The following SPMIP7 variants were observed in gnomAD, a reference collection of about 807,000 sequenced individuals.
SPMIP7 encodes protein SPMIP7.
chr7:50,143,111 A>G, the SPMIP7 span, among the ~76,000 whole-genome samples: 12 of 150,718 alleles, frequency 8.0e-5, no homozygotes, highest in Non-Finnish European at 2.9e-5. Flanking sequence ...GTGGCACTTA[A>G]TCATGGCTGG....
At chr7:50,135,320 T>A in the SPMIP7 span, among the ~76,000 whole-genome samples, 1 of 152,216 alleles carries the variant, frequency 6.6e-6, no homozygotes, top group East Asian at 1.9e-4. Context: ...GCTTTTCCCA[T>A]AATGAAGTTT....
chr7:50,156,564 G>A, the SPMIP7 span, among the ~76,000 whole-genome samples: 1 of 151,396 alleles, frequency 6.6e-6, no homozygotes, highest in African/African-American at 2.4e-5. Flanking sequence ...CCTCTCAGCT[G>A]GTCTTGCCTC....
At chr7:50,120,600 C>A in the SPMIP7 span, among the ~76,000 whole-genome samples, 3 of 152,090 alleles carry the variant, frequency 2.0e-5, no homozygotes, top group African/African-American at 4.8e-5. Flanking sequence ...GTAAACACTG[C>A]CACCGAATGC....
the SPMIP7 span, among the ~76,000 whole-genome samples, chr7:50,101,610 T>C: frequency 2.6e-5 from 4 of 152,254 alleles, no homozygotes; most frequent in African/African-American, 9.6e-5. Context: ...GTGTAATTCA[T>C]CGTCCAGAGT....
the SPMIP7 span, among the ~76,000 whole-genome samples, chr7:50,109,950 A>G: frequency 1.6e-4 from 24 of 152,164 alleles, no homozygotes; most frequent in Admixed American, 1.5e-3. Flanking sequence ...ATAAAACAAT[A>G]CTTTTATAAG....
chr7:50,147,111 T>C, the SPMIP7 span, among the ~76,000 whole-genome samples: 19 of 152,372 alleles, frequency 1.2e-4, no homozygotes, highest in African/African-American at 4.6e-4. Context: ...TAAATGTGCA[T>C]TTTTTAAATT....
chr7:50,107,663 C>T, the SPMIP7 span, among the ~76,000 whole-genome samples: 118,207 of 152,004 alleles, frequency 0.78, 46,076 homozygotes, highest in East Asian at 0.88. Context: ...ATCCCAAAAG[C>T]GTAAGAGAGA....
the SPMIP7 span, among the ~76,000 whole-genome samples, chr7:50,152,872 A>T: frequency 6.6e-6 from 1 of 152,008 alleles, no homozygotes; most frequent in African/African-American, 2.4e-5. Flanking sequence ...TTTTTGGTAG[A>T]GACAGGGTTT....
the SPMIP7 span, among the ~76,000 whole-genome samples, chr7:50,118,522 T>C: frequency 6.6e-6 from 1 of 152,346 alleles, no homozygotes; most frequent in African/African-American, 2.4e-5. Flanking sequence ...TTACATGTTA[T>C]CTGGCTGGAT....
the SPMIP7 span, among the ~76,000 whole-genome samples, chr7:50,143,632 A>G: frequency 2.0e-5 from 3 of 152,126 alleles, no homozygotes; most frequent in Non-Finnish European, 4.4e-5. Context: ...TGTGTTTTTT[A>G]TATTGGTAGT....
the SPMIP7 span, among the ~76,000 whole-genome samples, chr7:50,145,675 G>A: frequency 1.8e-5 from 2 of 109,434 alleles, no homozygotes; most frequent in African/African-American, 6.7e-5. Flanking sequence ...TTACATATAT[G>A]GGAGAGAGCC....
the SPMIP7 span, among the ~76,000 whole-genome samples, chr7:50,118,880 A>T: frequency 1.3e-5 from 2 of 152,196 alleles, no homozygotes; most frequent in African/African-American, 4.8e-5. Flanking sequence ...GAAAACATCG[A>T]TTGACTCCTT....
chr7:50,109,645 G>A, the SPMIP7 span, among the ~76,000 whole-genome samples: 3 of 152,140 alleles, frequency 2.0e-5, no homozygotes, highest in African/African-American at 7.2e-5. Context: ...AAAGTGCTGG[G>A]TTTACAGGTG....
the SPMIP7 span, chr7:50,096,563 T>C: frequency 3.2e-6 from 5 of 1,551,842 alleles, no homozygotes; most frequent in Non-Finnish European, 4.4e-6. Flanking sequence ...AAAAATTCTA[T>C]CAGAAGAACT....
At chr7:50,110,152 T>G in the SPMIP7 span, among the ~76,000 whole-genome samples, 8 of 151,888 alleles carry the variant, frequency 5.3e-5, no homozygotes, top group African/African-American at 1.9e-4. Context: ...AGTTAATAAA[T>G]TTTTTAAATG....
chr7:50,133,727 G>A, the SPMIP7 span, among the ~76,000 whole-genome samples: 3 of 152,104 alleles, frequency 2.0e-5, no homozygotes, highest in Admixed American at 1.3e-4. Flanking sequence ...TGTGGCTATA[G>A]GACTGACATT....
At chr7:50,113,491 G>C in the SPMIP7 span, among the ~76,000 whole-genome samples, 3 of 152,120 alleles carry the variant, frequency 2.0e-5, no homozygotes, top group Non-Finnish European at 4.4e-5. Context: ...GAGAACAAGG[G>C]ATGATATGAA....
At chr7:50,131,618 C>T in the SPMIP7 span, among the ~76,000 whole-genome samples, 1 of 152,060 alleles carries the variant, frequency 6.6e-6, no homozygotes, top group African/African-American at 2.4e-5. Context: ...GAGGAGAAGC[C>T]AGCAATCGAG....
the SPMIP7 span, among the ~76,000 whole-genome samples, chr7:50,130,331 G>A: frequency 6.6e-6 from 1 of 152,104 alleles, no homozygotes; most frequent in Non-Finnish European, 1.5e-5. Flanking sequence ...AGAAGGCAAG[G>A]AGGAGCAAAG....
Sources: allele counts gnomAD v4.1 joint callset (sites outside exome capture counted in the v4.1 genomes callset), GRCh38; gene constraint gnomAD v4.1.1; transcripts MANE v1.5; gene names NCBI Gene and HGNC (gene_info 2026-07-23, HGNC 2026-07-21).